TMEM266: variants seen among roughly 807,000 people sequenced by gnomAD.
TMEM266 encodes the protein Hv1 related protein 1.
TMEM266 carries 33 observed loss-of-function variants against 50.5 expected under a neutral mutation model. The observed-to-expected ratio is 0.65, with a 90% CI of 0.50 to 0.87. The LOEUF (loss-of-function observed/expected upper bound fraction) is 0.87. Among genes scored for constraint, TMEM266 ranks in the 40% least tolerant of loss-of-function variants. TMEM266 has a pLI of 0.00. For missense variants in TMEM266, 655 were observed against 695.1 expected (o/e 0.94, Z 0.65); for synonymous variants, 310 against 292.3 (o/e 1.06, Z -0.62).
chr15:76,077,933 T>C (rs1488317597), intron 1 of TMEM266, among the ~76,000 whole-genome samples: 3 of 152,044 alleles, frequency 2.0e-5, no homozygotes, highest in African/African-American at 7.3e-5. Context: ...ACATGGTAAA[T>C]GGGGATTTGA....
intron 8 of TMEM266, 83 bp from the exon 9 acceptor site, chr15:76,191,885 A>C: frequency 2.4e-6 from 3 of 1,273,240 alleles, no homozygotes; most frequent in East Asian, 2.9e-5. Flanking sequence ...GCCCCCATGC[A>C]GGAGCAAAGC....
intron 1 of TMEM266, among the ~76,000 whole-genome samples, chr15:76,073,540 T>C (rs2036566412): frequency 6.6e-6 from 1 of 152,208 alleles, no homozygotes; most frequent in Non-Finnish European, 1.5e-5. Flanking sequence ...GCCAAATTTC[T>C]CTACTTCTGT....
Position 76,192,385 on chromosome 15 carries a change from G to C in TMEM266, c.958+228G>C, listed in dbSNP as rs552478102. 1.3e-3 allele frequency among the ~76,000 whole-genome samples: 198 copies of C among 152,288 alleles called. 2 individuals are homozygous for C. Among genetic ancestry groups the C allele is most frequent in the African/African-American group, 4.7e-3 (195 of 41,540 alleles). On this transcript the variant is annotated intron_variant, in intron 9 of 10. Transcript: ENST00000388942. The stretch of plus-strand genomic sequence containing the variant: ...CACCGACCCAAACTAGAAATGACTC[G>C]TCCCCATTTCATGCCTGTGGCCACT...
At chr15:76,111,083 C>CT (rs34754489) in intron 1 of TMEM266, among the ~76,000 whole-genome samples, 57,949 of 143,926 alleles carry the variant, frequency 0.4, 12,313 homozygotes, top group East Asian at 0.6. Context: ...TTCGCAGTTT[C>CT]TTTTTTTTTT....
intron 3 of TMEM266, among the ~76,000 whole-genome samples, chr15:76,154,585 C>T (rs995091243): frequency 6.6e-6 from 1 of 151,992 alleles, no homozygotes. Context: ...TTGGACCATG[C>T]GGGGTTCACA....
chr15:76,133,545 G>A (rs1236484768), intron 1 of TMEM266, among the ~76,000 whole-genome samples: 1 of 152,198 alleles, frequency 6.6e-6, no homozygotes, highest in Non-Finnish European at 1.5e-5. Flanking sequence ...ACCTCATGTA[G>A]TTAGTTCTGT....
Position 76,204,572 on chromosome 15 carries a change from A to C in TMEM266, c.*257A>C. 3.0e-6 allele frequency: 1 copy of C among 334,480 alleles called. No homozygotes were observed. Among genetic ancestry groups the C allele is most frequent in the Admixed American group, 4.4e-5 (1 of 22,804 alleles). The allele number at this position is 334,480 out of a possible 1,614,324, so 20.7% of individuals were successfully genotyped here. On this transcript the variant is annotated 3_prime_UTR_variant, in exon 11 of 11. Coordinates refer to ENST00000388942, the MANE Select transcript of TMEM266 (RefSeq NM_152335.3). ...CTGGGTTTTCTTTTTAACCATTTTT[A>C]CAAAAACCAGCCTGTGGCCCAGCTT...
intron 3 of TMEM266, among the ~76,000 whole-genome samples, chr15:76,138,343 C>G (rs2037625373): frequency 6.6e-6 from 1 of 151,898 alleles, no homozygotes; most frequent in Admixed American, 6.6e-5. Flanking sequence ...GCAGACCACT[C>G]AGGCCCTTTT....
chr15:76,135,000 G>T (rs2037567173), intron 2 of TMEM266, among the ~76,000 whole-genome samples: 1 of 152,356 alleles, frequency 6.6e-6, no homozygotes, highest in Non-Finnish European at 1.5e-5. Context: ...AGGCTAGGCT[G>T]CTCACCCTCT....
Position 76,204,053 on chromosome 15 carries a change from C to T in TMEM266, c.1334C>T (p.Ser445Phe). The change falls in exon 11 of 11, where the codon TCC (serine) becomes TTC (phenylalanine). Residue 445 changes from serine to phenylalanine, a missense_variant. Physicochemically the swap from Ser to Phe is radical, Grantham distance 155. Transcript: ENST00000388942. ...GAGGCCACAGTCCAGGACCTGCTGT[C>T]CTCCCTGTCGGAGGACCCCTGCCCT... 1 of 1,612,352 alleles carries T rather than the reference C, an allele frequency of 6.2e-7. No homozygotes were observed. Among genetic ancestry groups the T allele is most frequent in the Non-Finnish European group, 8.5e-7 (1 of 1,179,196 alleles).
At chr15:76,078,133 G>A (rs1365962970) in intron 1 of TMEM266, among the ~76,000 whole-genome samples, 1 of 152,020 alleles carries the variant, frequency 6.6e-6, no homozygotes, top group Non-Finnish European at 1.5e-5. Flanking sequence ...GAATGTCGCC[G>A]ACTCTGTCAG....
chr15:76,201,167 T>A (rs1283806720), intron 9 of TMEM266, among the ~76,000 whole-genome samples: 5 of 152,118 alleles, frequency 3.3e-5, no homozygotes, highest in Non-Finnish European at 7.4e-5. Context: ...ACCCTGGGCA[T>A]TGCAGTCTCT....
At chr15:76,067,437 G>A (rs990319590) in intron 1 of TMEM266, among the ~76,000 whole-genome samples, 2 of 151,956 alleles carry the variant, frequency 1.3e-5, no homozygotes, top group African/African-American at 4.8e-5. Flanking sequence ...AAGGTCAGGA[G>A]TTTGAGACCA....
chr15:76,110,269 C>T lies in TMEM266; in HGVS notation c.-96-23899C>T, dbSNP rs1316971056. ...CCACCTGCCTCAGCCTCCCAAAGTG[C>T]TGGGATTACAGGCATAAGCCACCGC... is the stretch of plus-strand genomic sequence containing the variant. On this transcript the variant is annotated intron_variant, in intron 1 of 10. Coordinates refer to ENST00000388942, the MANE Select transcript of TMEM266 (RefSeq NM_152335.3). Among the ~76,000 whole-genome samples, 10 of 152,080 alleles carry T rather than the reference C, an allele frequency of 6.6e-5. 1 individual carries two copies. The highest frequency in any genetic ancestry group is 2.4e-4 in the African/African-American group (10 of 41,412).
intron 8 of TMEM266, among the ~76,000 whole-genome samples, chr15:76,180,402 G>A (rs912206408): frequency 6.6e-6 from 1 of 151,962 alleles, no homozygotes. Context: ...GTTGGGATTC[G>A]TCTGATGTTT....
At chr15:76,134,824 A>C (rs991826279) in intron 2 of TMEM266, among the ~76,000 whole-genome samples, 2 of 152,224 alleles carry the variant, frequency 1.3e-5, no homozygotes, top group African/African-American at 2.4e-5. Flanking sequence ...CAACCATAGA[A>C]CCTTAGTAGA....
intron 1 of TMEM266, among the ~76,000 whole-genome samples, chr15:76,080,878 T>C (rs911791757): frequency 6.6e-6 from 1 of 152,002 alleles, no homozygotes; most frequent in Admixed American, 6.6e-5. Flanking sequence ...TCAGTGTAGC[T>C]AGGACTACAG....
At chr15:76,125,343 G>A (rs1343584027) in intron 1 of TMEM266, among the ~76,000 whole-genome samples, 1 of 151,960 alleles carries the variant, frequency 6.6e-6, no homozygotes, top group Non-Finnish European at 1.5e-5. Context: ...AAATGAAAAG[G>A]CAACCTACTG....
chr15:76,173,999 T>A (rs1404425825), intron 7 of TMEM266, among the ~76,000 whole-genome samples: 2 of 151,512 alleles, frequency 1.3e-5, no homozygotes, highest in South Asian at 4.2e-4. Flanking sequence ...TGGCCTTGAC[T>A]ACAGTCACTT....
Sources: gnomAD v4.1 joint callset for allele counts (sites outside exome capture counted in the v4.1 genomes callset) on GRCh38, gnomAD v4.1.1 for gene constraint, MANE v1.5 for transcripts, NCBI Gene and HGNC (gene_info 2026-07-23, HGNC 2026-07-21) for gene names.